The following JPH1 variants were observed in gnomAD, a reference collection of about 807,000 sequenced individuals.
JPH1 encodes the protein junctophilin 1.
JPH1 carries 12 observed loss-of-function variants against 53.6 expected under a neutral mutation model. That is an observed-to-expected ratio of 0.22 (90% CI 0.14 to 0.36). JPH1 has a LOEUF of 0.36. JPH1 is among the 10% of genes least tolerant of loss of function. The pLI is 1.00. For synonymous variants in JPH1, 375 were observed against 363.8 expected (o/e 1.03, Z -0.35); for missense variants, 808 against 905.5 (o/e 0.89, Z 1.38).
chr8:74,315,666 C>G lies in JPH1; in HGVS notation c.380-46G>C. The G allele has an allele frequency of 6.5e-7, 1 of 1,533,264 alleles. No homozygotes were observed. Among genetic ancestry groups the G allele is most frequent in the Non-Finnish European group, 8.8e-7 (1 of 1,142,638 alleles). The allele number at this position is 1,533,264 out of a possible 1,614,324, so 95.0% of individuals were successfully genotyped here. ...GCACCGTGAGTCGGGGGCAGAGCTG[C>G]ACCGTCACCTGCACCATCCAGCGCA... is the stretch of plus-strand genomic sequence containing the variant. On this transcript the variant is annotated intron_variant, in intron 1 of 5. Transcript: ENST00000342232. This position sits in a 1 kb window ranked among gnomAD's most constrained non-coding sequence, Gnocchi z 6.3.
At chr8:74,237,588 T>G (rs1023221312) in intron 4 of JPH1, among the ~76,000 whole-genome samples, 1 of 152,248 alleles carries the variant, frequency 6.6e-6, no homozygotes, top group Non-Finnish European at 1.5e-5. Context: ...CAACAGCGTG[T>G]GCTGAGACAC....
In JPH1 at chr8:74,315,426, C is replaced by T. The variant is rs561111115; in HGVS notation, c.574G>A (p.Gly192Ser). The change falls in exon 2 of 6, where the codon GGT becomes AGT. Residue 192 changes from glycine (G) to serine (S), a missense_variant. By Grantham distance (56) the Gly-to-Ser change is moderately conservative (BLOSUM62 0). This residue lies in a region of JPH1 where 756 missense variants were observed against 811.9 expected (regional missense o/e 0.93). Coordinates refer to ENST00000342232, the MANE Select transcript of JPH1 (RefSeq NM_020647.4). This position sits in a 1 kb window ranked among gnomAD's most constrained non-coding sequence, Gnocchi z 6.3. ...AADSPAGTRGGFVLNFHADAE... is the reference protein window; with the variant it reads ...AADSPAGTRGSFVLNFHADAE... ...TCTGCGTGGAAGTTGAGCACGAAAC[C>T]GCCGCGGGTGCCGGCCGGGCTGTCG... 1.2e-6 allele frequency: 2 copies of T among 1,611,878 alleles called. No individual in the cohort carries two copies. Among genetic ancestry groups the T allele is most frequent in the South Asian group, 1.1e-5 (1 of 91,054 alleles).
intron 2 of JPH1, among the ~76,000 whole-genome samples, chr8:74,304,010 C>A (rs1381402944): frequency 6.6e-6 from 1 of 152,218 alleles, no homozygotes; most frequent in Non-Finnish European, 1.5e-5. Flanking sequence ...ACATGGTCCA[C>A]TGTCCTTTGC....
chr8:74,281,692 T>G (rs1807020721), intron 2 of JPH1, among the ~76,000 whole-genome samples: 1 of 152,166 alleles, frequency 6.6e-6, no homozygotes, highest in Non-Finnish European at 1.5e-5. Context: ...CCTGTGTGGT[T>G]AGTGGGAGCT....
chr8:74,307,890 C>CT (rs1182803279), intron 2 of JPH1, among the ~76,000 whole-genome samples: 20 of 151,974 alleles, frequency 1.3e-4, no homozygotes, highest in East Asian at 9.7e-4. Context: ...AGAGAATAGG[C>CT]TTTTTTTTCT....
Position 74,237,611 on chromosome 8 carries a change from C to T in JPH1, c.1906-308G>A, listed in dbSNP as rs1343903060. 2.6e-5 allele frequency among the ~76,000 whole-genome samples: 4 copies of T among 152,212 alleles called. No homozygotes were observed. The East Asian group carries it at 7.7e-4, about 29-fold the overall frequency. ...TGTGCTGAGACACAGCTCACCCTAA[C>T]AGGGCCTACGAACGGCTGGGAGTTA... On this transcript the variant is annotated intron_variant, in intron 4 of 5. Coordinates refer to ENST00000342232, the MANE Select transcript of JPH1 (RefSeq NM_020647.4).
intron 1 of JPH1, among the ~76,000 whole-genome samples, chr8:74,317,576 A>C (rs952226858): frequency 3.3e-5 from 5 of 152,218 alleles, no homozygotes; most frequent in Non-Finnish European, 7.4e-5. Flanking sequence ...TTCTAGGATG[A>C]AAGTTTCACA....
chr8:74,241,954 T>C (rs1805709022), intron 4 of JPH1, among the ~76,000 whole-genome samples: 4 of 152,268 alleles, frequency 2.6e-5, no homozygotes, highest in Non-Finnish European at 2.9e-5. Context: ...CCTACCAGAG[T>C]TGTCATGTTG....
Position 74,321,424 on chromosome 8 carries a change from G to C in JPH1, c.-137C>G, listed in dbSNP as rs543082209. ...CCTGGGCAGCTCGCGCTGCCGCTCG[G>C]CTCCAGTCCGACGCCGCCCCCGTCC... On this transcript the variant is annotated 5_prime_UTR_variant, in exon 1 of 6. Coordinates refer to ENST00000342232, the MANE Select transcript of JPH1 (RefSeq NM_020647.4). The surrounding 1 kb of genome is among the most constrained non-coding windows in gnomAD (Gnocchi z 4.3). 646 of 811,326 alleles carry C rather than the reference G, an allele frequency of 8.0e-4. 2 individuals are homozygous for C. The African/African-American group carries it at 0.01, about 13-fold the overall frequency. The allele number at this position is 811,326 out of a possible 1,614,324, so 50.3% of individuals were successfully genotyped here. A position where few individuals can be genotyped will look rare whatever the true frequency, so the allele number is the denominator to read the frequency against.
intron 2 of JPH1, among the ~76,000 whole-genome samples, chr8:74,298,201 C>T (rs186047641): frequency 6.6e-6 from 1 of 152,274 alleles, no homozygotes; most frequent in East Asian, 1.9e-4. Flanking sequence ...CTTGAATGTC[C>T]ACACATCAGA....
At position 74,235,209 on chromosome 8, in the gene JPH1, C is replaced by T. The variant is rs764707443; in HGVS notation, c.*1842G>A. 7 of 152,614 alleles carry T rather than the reference C, an allele frequency of 4.6e-5. No homozygotes were observed. The highest frequency in any genetic ancestry group is 8.8e-5 in the Non-Finnish European group (6 of 67,982). 9.5% of individuals were successfully genotyped at this position (152,614 alleles called of 1,614,324 possible). A position where few individuals can be genotyped will look rare whatever the true frequency, so the allele number is the denominator to read the frequency against. On this transcript the variant is annotated 3_prime_UTR_variant, in exon 6 of 6. Transcript: ENST00000342232. ...GGGGCAGTGAGAGTACTGAGAGTGA[C>T]GCAGGAACTTTAAACATTTGTTCTC... is the stretch of plus-strand genomic sequence containing the variant.
intron 3 of JPH1, among the ~76,000 whole-genome samples, chr8:74,257,102 G>A (rs974053717): frequency 6.6e-6 from 1 of 152,138 alleles, no homozygotes; most frequent in East Asian, 1.9e-4. Context: ...TAATACCCGC[G>A]ACAGAAAAGG....
intron 3 of JPH1, among the ~76,000 whole-genome samples, chr8:74,252,678 C>T (rs1306134369): frequency 6.6e-6 from 1 of 151,822 alleles, no homozygotes; most frequent in Non-Finnish European, 1.5e-5. Flanking sequence ...CACATAGGCT[C>T]AAAATAAAGG....
chr8:74,308,123 G>A (rs1034877476), intron 2 of JPH1, among the ~76,000 whole-genome samples: 1 of 152,118 alleles, frequency 6.6e-6, no homozygotes, highest in African/African-American at 2.4e-5. Flanking sequence ...TTAATAATAA[G>A]CTCCCACATT....
chr8:74,236,026 GAATCCTTTAAAC>G lies in JPH1; in HGVS notation c.*1013_*1024del, dbSNP rs1806988137. Reference sequence around the variant, plus strand: ...TGTAAAGTACGTCAGCAAAGAAACTGAATCCTTTAAACACTGATTACTGCAATCCATGCAACG... The same window carrying G: ...TGTAAAGTACGTCAGCAAAGAAACTGACTGATTACTGCAATCCATGCAACG... On this transcript the variant is annotated 3_prime_UTR_variant, in exon 6 of 6. Coordinates refer to ENST00000342232, the MANE Select transcript of JPH1 (RefSeq NM_020647.4). The G allele has an allele frequency of 6.6e-6, 1 of 152,192 alleles. No individual in the cohort carries two copies. The highest frequency in any genetic ancestry group is 2.4e-5 in the African/African-American group (1 of 41,450). 9.4% of individuals were successfully genotyped at this position (152,192 alleles called of 1,614,324 possible).
intron 4 of JPH1, among the ~76,000 whole-genome samples, chr8:74,241,075 CA>C (rs1252833693): frequency 6.6e-6 from 1 of 151,850 alleles, no homozygotes; most frequent in Non-Finnish European, 1.5e-5. Flanking sequence ...TGCACGCATA[CA>C]CACACACACA....
At position 74,321,303 on chromosome 8, in the gene JPH1, G is replaced by A. The variant is rs1188847479; in HGVS notation, c.-16C>T. On this transcript the variant is annotated 5_prime_UTR_variant, in exon 1 of 6. Coordinates refer to ENST00000342232, the MANE Select transcript of JPH1 (RefSeq NM_020647.4). The surrounding 1 kb of genome is among the most constrained non-coding windows in gnomAD (Gnocchi z 4.3). Reference sequence around the variant, plus strand: ...CGCCCGTCATTCGGGGGGCAGCCCCGGCGCGCTCCCCGCAGGGGCACGGAC... The same window carrying A: ...CGCCCGTCATTCGGGGGGCAGCCCCAGCGCGCTCCCCGCAGGGGCACGGAC... 30 of 1,532,026 alleles carry A rather than the reference G, an allele frequency of 2.0e-5. No homozygotes were observed. Among genetic ancestry groups the A allele is most frequent in the East Asian group, 2.4e-5 (1 of 41,712 alleles). 94.9% of individuals were successfully genotyped at this position (1,532,026 alleles called of 1,614,324 possible).
chr8:74,253,930 C>G (rs906384281), intron 3 of JPH1, among the ~76,000 whole-genome samples: 32 of 152,062 alleles, frequency 2.1e-4, no homozygotes, highest in Admixed American at 2.0e-3. Flanking sequence ...AAGTCCAGGA[C>G]CAGATGGATT....
intron 2 of JPH1, among the ~76,000 whole-genome samples, chr8:74,262,421 G>A (rs1806421042): frequency 6.6e-6 from 1 of 152,168 alleles, no homozygotes; most frequent in Non-Finnish European, 1.5e-5. Flanking sequence ...TTCAGGTTAG[G>A]CAGTCTGGAG....
Sources: gnomAD v4.1 joint callset for allele counts (sites outside exome capture counted in the v4.1 genomes callset) on GRCh38, gnomAD v4.1.1 for gene constraint, gnomAD v4.1.1 regional missense constraint, Gnocchi (gnomAD v3.1) non-coding constraint, MANE v1.5 for transcripts, NCBI Gene and HGNC (gene_info 2026-07-23, HGNC 2026-07-21) for gene names.